Variants in PLEKHD1 observed in about 807,000 individuals in gnomAD.
The protein encoded by PLEKHD1 is pleckstrin homology domain-containing family D member 1.
A neutral mutation model predicts 69.2 loss-of-function variants in PLEKHD1; 51 were observed. The ratio of observed to expected loss-of-function variants is 0.74; its 90% CI spans 0.59 to 0.93. PLEKHD1 has a LOEUF of 0.93. Ranked by LOEUF, PLEKHD1 falls within the 40% of genes least tolerant of loss-of-function variation. The pLI is 0.00. For missense variants in PLEKHD1, 584 were observed against 641.0 expected (o/e 0.91, Z 0.96); for synonymous variants, 236 against 244.7 (o/e 0.96, Z 0.33).
the PLEKHD1 span, among the ~76,000 whole-genome samples, chr14:69,479,496 G>T: frequency 1.3e-5 from 2 of 152,114 alleles, no homozygotes; most frequent in Non-Finnish European, 2.9e-5. Context: ...AAATGGTATT[G>T]CACAGTCCTA....
At chr14:69,522,491 C>T (rs1883540027) in intron 7 of PLEKHD1, 114 bp downstream of exon 7, 1 of 1,140,066 alleles carries the variant, frequency 8.8e-7, no homozygotes, top group Admixed American at 2.3e-5. Flanking sequence ...TCCCAAGGCT[C>T]CAGGCTTGGG....
Position 69,502,820 on chromosome 14 carries a change from T to C in PLEKHD1, c.503-7T>C. ...GTGCATGTGTGTGTGTGTGCTTGTT[T>C]TGGCAGACAAACTGATGGAAGAGAC... On this transcript the variant is annotated splice_region_variant and splice_polypyrimidine_tract_variant and intron_variant, in intron 5 of 12. Transcript: ENST00000322564. 6.4e-7 allele frequency: 1 copy of C among 1,551,560 alleles called. No homozygotes were observed. The highest frequency in any genetic ancestry group is 8.7e-7 in the Non-Finnish European group (1 of 1,146,932).
At chr14:69,471,604 T>C in the PLEKHD1 span, among the ~76,000 whole-genome samples, 3 of 152,158 alleles carry the variant, frequency 2.0e-5, no homozygotes, top group Non-Finnish European at 2.9e-5. Flanking sequence ...TGAATAGGGA[T>C]GGTTTTCTCA....
chr14:69,504,829 C>G (rs1883115393), intron 6 of PLEKHD1, among the ~76,000 whole-genome samples: 1 of 152,204 alleles, frequency 6.6e-6, no homozygotes, highest in Admixed American at 6.5e-5. Flanking sequence ...CCAGGCTCTC[C>G]TCTAGGTCCT....
chr14:69,489,149 G>A (rs1029863262), intron 1 of PLEKHD1, among the ~76,000 whole-genome samples: 1 of 152,200 alleles, frequency 6.6e-6, no homozygotes, highest in African/African-American at 2.4e-5. Flanking sequence ...TGTCCTATTT[G>A]AAAATGAGTC....
chr14:69,520,059 C>T (rs915306513), intron 6 of PLEKHD1, among the ~76,000 whole-genome samples: 12 of 149,066 alleles, frequency 8.1e-5, no homozygotes, highest in East Asian at 4.0e-4. Context: ...CCCAGCTACT[C>T]GGGAGACTGA....
At chr14:69,474,745 T>C in the PLEKHD1 span, among the ~76,000 whole-genome samples, 1 of 152,164 alleles carries the variant, frequency 6.6e-6, no homozygotes, top group Admixed American at 6.6e-5. Context: ...CCACCGGGTG[T>C]GCGGATGCAA....
At chr14:69,522,410 C>T (rs762221546) in intron 7 of PLEKHD1, 33 bp downstream of exon 7, 1 of 1,547,924 alleles carries the variant, frequency 6.5e-7, no homozygotes, top group South Asian at 1.2e-5. Context: ...GGGGGTGCCA[C>T]TAAGTTAGGG....
At chr14:69,506,033 G>A (rs562977880) in intron 6 of PLEKHD1, among the ~76,000 whole-genome samples, 1 of 152,290 alleles carries the variant, frequency 6.6e-6, no homozygotes, top group Admixed American at 6.5e-5. Context: ...TTCTGGCAAG[G>A]TTCTTGCCAC....
At position 69,485,054 on chromosome 14, in the gene PLEKHD1, A is replaced by AGCTCTACG; in HGVS notation, c.92_99dup (p.Val34SerfsTer73). On this transcript the variant is annotated frameshift_variant, in exon 1 of 13. Coordinates refer to ENST00000322564, the MANE Select transcript of PLEKHD1 (RefSeq NM_001161498.2). LOFTEE classifies it high-confidence loss of function. Reference sequence around the variant, plus strand: ...GCCCTGGATATCAGCACCAAAGTGCAGCTCTACGGCGTGCTGTGGAAGAGG... The same window carrying AGCTCTACG: ...GCCCTGGATATCAGCACCAAAGTGCAGCTCTACGGCTCTACGGCGTGCTGTGGAAGAGG... The AGCTCTACG allele has an allele frequency of 6.4e-7, 1 of 1,551,368 alleles. No individual in the cohort carries two copies. Among genetic ancestry groups the AGCTCTACG allele is most frequent in the Non-Finnish European group, 8.7e-7 (1 of 1,146,886 alleles).
rs530685480 is a variant in PLEKHD1 at position 69,528,555 on chromosome 14, A to G, written c.*136A>G. The G allele has an allele frequency of 2.3e-3, 2,771 of 1,208,122 alleles. 6 individuals are homozygous for G. Among genetic ancestry groups the G allele is most frequent in the Non-Finnish European group, 2.9e-3 (2,551 of 890,718 alleles). 74.8% of individuals were successfully genotyped at this position (1,208,122 alleles called of 1,614,324 possible). A position where few individuals can be genotyped will look rare whatever the true frequency, so the allele number is the denominator to read the frequency against. ...TATGTCTCCTCTGGGCCGGAGCTCC[A>G]CTTGGGGGCCAGCCTTGCCCTCAAA... On this transcript the variant is annotated 3_prime_UTR_variant, in exon 13 of 13. Transcript: ENST00000322564.
Position 69,524,219 on chromosome 14 carries a change from G to C in PLEKHD1, c.651-10G>C, listed in dbSNP as rs1167923321. On this transcript the variant is annotated splice_polypyrimidine_tract_variant and intron_variant, in intron 7 of 12. Coordinates refer to ENST00000322564, the MANE Select transcript of PLEKHD1 (RefSeq NM_001161498.2). ...TGGGCACTGCCATACCCAGCCCTCT[G>C]TCTCCACAGGGAGCTGGAACTGACT... 4 of 1,549,334 alleles carry C rather than the reference G, an allele frequency of 2.6e-6. No homozygotes were observed. The Admixed American group carries it at 5.9e-5, about 23-fold the overall frequency.
chr14:69,495,359 G>C (rs1278046759), intron 1 of PLEKHD1, among the ~76,000 whole-genome samples: 1 of 152,102 alleles, frequency 6.6e-6, no homozygotes, highest in Non-Finnish European at 1.5e-5. Context: ...CGAGACTTTT[G>C]CAATGTAAGC....
the PLEKHD1 span, among the ~76,000 whole-genome samples, chr14:69,476,116 C>G: frequency 1.3e-5 from 2 of 151,876 alleles, no homozygotes; most frequent in African/African-American, 4.8e-5. Flanking sequence ...AAATTAGCTG[C>G]ATGTGGTGGT....
intron 4 of PLEKHD1, 46 bp from the exon 5 acceptor site, chr14:69,501,688 G>C (rs1266544049): frequency 1.4e-6 from 2 of 1,415,228 alleles, no homozygotes; most frequent in Non-Finnish European, 1.9e-6. Flanking sequence ...ATGATTTTCT[G>C]TTTCTTCCTC....
the PLEKHD1 span, among the ~76,000 whole-genome samples, chr14:69,470,484 T>A: frequency 6.6e-6 from 1 of 150,384 alleles, no homozygotes; most frequent in Non-Finnish European, 1.5e-5. Context: ...AATGGCTGAG[T>A]TGGTATTTGA....
At chr14:69,526,608 C>A in intron 9 of PLEKHD1, 89 bp from the exon 10 acceptor site, 1 of 1,397,006 alleles carries the variant, frequency 7.2e-7, no homozygotes. Flanking sequence ...AAGGTTTCTC[C>A]AGCCCAGGTC....
At position 69,524,340 on chromosome 14, in the gene PLEKHD1, G is replaced by A. The variant is rs1166637498; in HGVS notation, c.744+18G>A. On this transcript the variant is annotated intron_variant, in intron 8 of 12. Transcript: ENST00000322564. The stretch of plus-strand genomic sequence containing the variant: ...CACTGGAGGTGAGGGGCTGCTGGTG[G>A]GTTAGTTGACCAGGTGGCAGGCTGG... 1.1e-5 allele frequency: 17 copies of A among 1,548,070 alleles called. No individual in the cohort carries two copies. The African/African-American group carries it at 2.2e-4, about 20-fold the overall frequency.
chr14:69,517,717 A>G (rs1042163375), intron 6 of PLEKHD1, among the ~76,000 whole-genome samples: 3 of 152,184 alleles, frequency 2.0e-5, no homozygotes, highest in Admixed American at 1.3e-4. Context: ...CTTTCAGGGC[A>G]GCAGGTTTCC....
Sources: allele counts gnomAD v4.1 joint callset (sites outside exome capture counted in the v4.1 genomes callset), GRCh38; gene constraint gnomAD v4.1.1; transcripts MANE v1.5; gene names NCBI Gene and HGNC (gene_info 2026-07-23, HGNC 2026-07-21).